The following LRRTM4 variants were observed in gnomAD, a reference collection of about 807,000 sequenced individuals.
LRRTM4 encodes the protein leucine rich repeat transmembrane neuronal 4, also known as leucine-rich repeat transmembrane neuronal protein 4.
A neutral mutation model predicts 47.6 loss-of-function variants in LRRTM4; 25 were observed. The ratio of observed to expected loss-of-function variants is 0.53; its 90% CI spans 0.38 to 0.73. The LOEUF is 0.73. Ranked by LOEUF, LRRTM4 falls within the 30% of genes least tolerant of loss-of-function variation. LRRTM4 has a pLI of 0.00. For missense variants in LRRTM4, 638 were observed against 713.4 expected, an observed-to-expected ratio of 0.89 and a Z score of 1.20; for synonymous variants, 311 against 269.5, an observed-to-expected ratio of 1.15 and a Z score of -1.51.
In LRRTM4 at chr2:76,748,330, G is replaced by T. The variant is rs1386451195; in HGVS notation, c.*365C>A. 2 of 182,304 alleles carry T rather than the reference G, an allele frequency of 1.1e-5. No homozygotes were observed. Among genetic ancestry groups the T allele is most frequent in the Admixed American group, 5.6e-5 (1 of 17,842 alleles). 11.3% of individuals were successfully genotyped at this position (182,304 alleles called of 1,614,324 possible). On this transcript the variant is annotated 3_prime_UTR_variant, in exon 4 of 4. Transcript: ENST00000409884. ...CACCCCTGTTTATTTGCTCCCCTGTGGTTCTCCAGCCCAGGAACCATGCAG... is the reference window on the plus strand; with the variant it reads ...CACCCCTGTTTATTTGCTCCCCTGTTGTTCTCCAGCCCAGGAACCATGCAG...
At chr2:76,983,742 T>C (rs1441072603) in intron 3 of LRRTM4, among the ~76,000 whole-genome samples, 1 of 152,062 alleles carries the variant, frequency 6.6e-6, no homozygotes, top group Non-Finnish European at 1.5e-5. Flanking sequence ...ATGATGTGGA[T>C]CGTTTCCAAT....
chr2:77,229,343 T>C (rs937067195), intron 3 of LRRTM4, among the ~76,000 whole-genome samples: 2 of 152,100 alleles, frequency 1.3e-5, no homozygotes, highest in African/African-American at 4.8e-5. Flanking sequence ...CTAAATCATA[T>C]ATTCCTTTAT....
chr2:77,117,923 A>G (rs1009552817), intron 3 of LRRTM4, among the ~76,000 whole-genome samples: 1 of 151,930 alleles, frequency 6.6e-6, no homozygotes, highest in Non-Finnish European at 1.5e-5. Flanking sequence ...GTATTATAGA[A>G]TAACTTGGTC....
At chr2:77,421,859 C>T (rs1323360923) in intron 3 of LRRTM4, among the ~76,000 whole-genome samples, 1 of 152,098 alleles carries the variant, frequency 6.6e-6, no homozygotes, top group Non-Finnish European at 1.5e-5. Flanking sequence ...CAATGAATAA[C>T]GATATTTTTG....
At chr2:77,208,001 C>T (rs1674189208) in intron 3 of LRRTM4, among the ~76,000 whole-genome samples, 2 of 150,668 alleles carry the variant, frequency 1.3e-5, no homozygotes, top group Admixed American at 1.3e-4. Flanking sequence ...GCCTCAGCCT[C>T]CCAAGTAGCT....
At chr2:77,269,298 A>G (rs1558661638) in intron 3 of LRRTM4, among the ~76,000 whole-genome samples, 1 of 152,192 alleles carries the variant, frequency 6.6e-6, no homozygotes, top group Non-Finnish European at 1.5e-5. Flanking sequence ...ATATTACACA[A>G]TAGGAGGGCC....
rs71381251 is a variant in LRRTM4, at chr2:77,014,503, C to CATATATATATATATATATAT, written c.1552-265588_1552-265587insATATATATATATATATATAT. Among the ~76,000 whole-genome samples, 63 of 139,150 alleles carry CATATATATATATATATATAT rather than the reference C, an allele frequency of 4.5e-4. 2 individuals are homozygous for CATATATATATATATATATAT. The South Asian group carries it at 8.5e-3, about 19-fold the overall frequency. The allele number at this position is 139,150 out of a possible 152,430, so 91.3% of individuals were successfully genotyped here. A position where few individuals can be genotyped will look rare whatever the true frequency, so the allele number is the denominator to read the frequency against. On this transcript the variant is annotated intron_variant, in intron 3 of 3. Coordinates refer to ENST00000409884, the MANE Select transcript of LRRTM4 (RefSeq NM_001134745.3). Reference sequence around the variant, plus strand: ...TGCAGAAGAAGCATTTGTGCCCTTTCATATATATATATATAAAGATTTTAT... The same window carrying CATATATATATATATATATAT: ...TGCAGAAGAAGCATTTGTGCCCTTTCATATATATATATATATATATATATATATATATATAAAGATTTTAT...
intron 3 of LRRTM4, among the ~76,000 whole-genome samples, chr2:77,363,144 G>A (rs1672306025): frequency 6.6e-6 from 1 of 152,156 alleles, no homozygotes; most frequent in Non-Finnish European, 1.5e-5. Context: ...CTTAACTACA[G>A]TGTTATTTGT....
At chr2:77,513,010 C>G (rs1679077293) in intron 3 of LRRTM4, among the ~76,000 whole-genome samples, 1 of 152,164 alleles carries the variant, frequency 6.6e-6, no homozygotes, top group Non-Finnish European at 1.5e-5. Flanking sequence ...AATGAAAACT[C>G]TATTCACAAA....
intron 3 of LRRTM4, among the ~76,000 whole-genome samples, chr2:77,030,124 A>T (rs1302213596): frequency 6.6e-6 from 1 of 152,188 alleles, no homozygotes; most frequent in Admixed American, 6.6e-5. Context: ...ATTTAACAAC[A>T]AAAATGAAGT....
intron 3 of LRRTM4, among the ~76,000 whole-genome samples, chr2:77,189,433 C>A (rs1263057790): frequency 6.6e-6 from 1 of 152,100 alleles, no homozygotes; most frequent in Admixed American, 6.6e-5. Context: ...GAGATCCTAA[C>A]CCCAATGTGA....
At chr2:77,362,121 G>GAAAGAAAGAA (rs1558707219) in intron 3 of LRRTM4, among the ~76,000 whole-genome samples, 1 of 112,062 alleles carries the variant, frequency 8.9e-6, no homozygotes, top group East Asian at 3.6e-4. Context: ...AAGAGAGAAA[G>GAAAGAAAGAA]AAAGAAAGAA....
At chr2:76,780,389 C>A (rs970065217) in intron 3 of LRRTM4, among the ~76,000 whole-genome samples, 10 of 152,200 alleles carry the variant, frequency 6.6e-5, no homozygotes, top group Non-Finnish European at 1.3e-4. Context: ...CCATCACTTT[C>A]AGGTACACCA....
chr2:77,289,185 G>A (rs1235215571), intron 3 of LRRTM4, among the ~76,000 whole-genome samples: 1 of 151,800 alleles, frequency 6.6e-6, no homozygotes, highest in Admixed American at 6.6e-5. Context: ...GTAGCATTAT[G>A]CATATTTTTA....
rs139614709 is a variant in LRRTM4 at position 77,357,790 on chromosome 2, T to A, written c.1551+160528A>T. Among the ~76,000 whole-genome samples the A allele has an allele frequency of 2.1e-3, 319 of 152,244 alleles. 3 individuals carry two copies. Among genetic ancestry groups the A allele is most frequent in the African/African-American group, 7.1e-3 (294 of 41,556 alleles). On this transcript the variant is annotated intron_variant, in intron 3 of 3. Coordinates refer to ENST00000409884, the MANE Select transcript of LRRTM4 (RefSeq NM_001134745.3). ...AATGAGTGTAGCATTAGTGTGCACA[T>A]ACACATATATGCACACACAATGTTT... is the stretch of plus-strand genomic sequence containing the variant.
chr2:77,261,006 A>G (rs1675905197), intron 3 of LRRTM4, among the ~76,000 whole-genome samples: 1 of 152,046 alleles, frequency 6.6e-6, no homozygotes. Context: ...GATAAGTCTT[A>G]GGCAGACACA....
At chr2:76,925,824 A>G (rs1009196069) in intron 3 of LRRTM4, among the ~76,000 whole-genome samples, 8 of 152,172 alleles carry the variant, frequency 5.3e-5, no homozygotes, top group African/African-American at 1.9e-4. Flanking sequence ...ATAATATGTT[A>G]GAACTAGCTA....
intron 3 of LRRTM4, among the ~76,000 whole-genome samples, chr2:77,053,108 A>G (rs1195562398): frequency 1.3e-5 from 2 of 152,156 alleles, no homozygotes; most frequent in East Asian, 1.9e-4. Context: ...CTACAACCTC[A>G]CTGGTTTAAA....
intron 3 of LRRTM4, among the ~76,000 whole-genome samples, chr2:76,836,697 T>C (rs563166549): frequency 6.6e-6 from 1 of 152,118 alleles, no homozygotes; most frequent in Non-Finnish European, 1.5e-5. Context: ...TTAATTATTT[T>C]CTCCAAATGC....
Sources: allele counts gnomAD v4.1 joint callset (sites outside exome capture counted in the v4.1 genomes callset), GRCh38; gene constraint gnomAD v4.1.1; transcripts MANE v1.5; gene names NCBI Gene and HGNC (gene_info 2026-07-23, HGNC 2026-07-21).